Variants in SEMA6D observed in about 807,000 individuals in gnomAD.
SEMA6D encodes the protein semaphorin 6D, also known as semaphorin-6D.
A neutral mutation model predicts 106.6 loss-of-function variants in SEMA6D; 35 were observed. The ratio of observed to expected loss-of-function variants is 0.33; its 90% confidence interval spans 0.25 to 0.44. SEMA6D has a LOEUF of 0.44. SEMA6D is among the 20% of genes least tolerant of loss of function. SEMA6D has a pLI of 1.00. For missense variants in SEMA6D, 1,185 were observed against 1,345.9 expected (o/e 0.88, Z 1.87); for synonymous variants, 499 against 487.7 (o/e 1.02, Z -0.31).
intron 4 of SEMA6D, among the ~76,000 whole-genome samples, chr15:47,634,892 C>T (rs1352416862): frequency 6.6e-6 from 1 of 152,150 alleles, no homozygotes; most frequent in Non-Finnish European, 1.5e-5. Context: ...GCAGGTTTTT[C>T]CTGCATGTCT....
intron 1 of SEMA6D, among the ~76,000 whole-genome samples, chr15:47,198,455 T>TA (rs1894505254): frequency 6.6e-6 from 1 of 152,096 alleles, no homozygotes. Context: ...ATCTGTCAAT[T>TA]AAAAAAATAA....
chr15:47,459,878 TGG>T (rs2141020619), intron 2 of SEMA6D, among the ~76,000 whole-genome samples: 1 of 152,176 alleles, frequency 6.6e-6, no homozygotes, highest in East Asian at 1.9e-4. Flanking sequence ...ATACTGTATT[TGG>T]TTCTTCTACT....
chr15:47,362,816 G>C (rs1215849211), intron 1 of SEMA6D, among the ~76,000 whole-genome samples: 1 of 152,152 alleles, frequency 6.6e-6, no homozygotes, highest in Non-Finnish European at 1.5e-5. Flanking sequence ...TGAAGGACTG[G>C]CAGATTGAGA....
chr15:47,315,057 G>A (rs1420242926), intron 1 of SEMA6D, among the ~76,000 whole-genome samples: 2 of 150,996 alleles, frequency 1.3e-5, no homozygotes, highest in Non-Finnish European at 1.5e-5. Context: ...TAGTAGAGAC[G>A]GGGTTTCACC....
chr15:47,558,896 G>C (rs1400907081), intron 3 of SEMA6D, among the ~76,000 whole-genome samples: 2 of 152,010 alleles, frequency 1.3e-5, no homozygotes, highest in African/African-American at 4.8e-5. Context: ...AGTGGAGTGA[G>C]TTGAAGTAAT....
intron 1 of SEMA6D, among the ~76,000 whole-genome samples, chr15:47,215,586 C>T (rs2030508404): frequency 1.3e-5 from 2 of 152,062 alleles, no homozygotes; most frequent in African/African-American, 4.8e-5. Flanking sequence ...TTCATAGCTA[C>T]ATCTGATATA....
intron 1 of SEMA6D, among the ~76,000 whole-genome samples, chr15:47,332,942 C>T (rs1031902522): frequency 1.3e-5 from 2 of 152,114 alleles, no homozygotes; most frequent in African/African-American, 4.8e-5. Context: ...ACAACTAGTG[C>T]CCATCTATGG....
intron 4 of SEMA6D, among the ~76,000 whole-genome samples, chr15:47,635,790 G>A (rs1302455952): frequency 6.6e-6 from 1 of 151,940 alleles, no homozygotes; most frequent in African/African-American, 2.4e-5. Flanking sequence ...ATCACAGTTG[G>A]GTACCTGAGC....
At chr15:47,494,391 A>C (rs1221867519) in intron 3 of SEMA6D, among the ~76,000 whole-genome samples, 1 of 152,020 alleles carries the variant, frequency 6.6e-6, no homozygotes, top group East Asian at 1.9e-4. Context: ...TGTCTGTAAA[A>C]CAGCTGATGA....
At chr15:47,392,158 C>T (rs1010224548) in intron 1 of SEMA6D, among the ~76,000 whole-genome samples, 1 of 152,182 alleles carries the variant, frequency 6.6e-6, no homozygotes, top group African/African-American at 2.4e-5. Context: ...GCACAGAAAA[C>T]GATCTGAATG....
chr15:47,508,639 A>G (rs1242402078), intron 3 of SEMA6D, among the ~76,000 whole-genome samples: 1 of 152,268 alleles, frequency 6.6e-6, no homozygotes. Context: ...GAAAGGACAG[A>G]TGAGAAGAAG....
intron 4 of SEMA6D, among the ~76,000 whole-genome samples, chr15:47,615,381 T>C (rs1005813689): frequency 8.5e-5 from 13 of 152,180 alleles, no homozygotes; most frequent in Non-Finnish European, 1.8e-4. Context: ...ACAGGGGTCC[T>C]TTAACCAATG....
chr15:47,633,202 T>C (rs562658294), intron 4 of SEMA6D, among the ~76,000 whole-genome samples: 38 of 152,252 alleles, frequency 2.5e-4, no homozygotes, highest in African/African-American at 8.9e-4. Flanking sequence ...TTATGTTATA[T>C]TTACTCCCAT....
chr15:47,499,540 T>C (rs1457109570), intron 3 of SEMA6D, among the ~76,000 whole-genome samples: 1 of 152,212 alleles, frequency 6.6e-6, no homozygotes, highest in African/African-American at 2.4e-5. Context: ...TTTAAATATC[T>C]TGCTTTATAA....
chr15:47,388,617 C>T (rs1472277751), intron 1 of SEMA6D, among the ~76,000 whole-genome samples: 5 of 152,098 alleles, frequency 3.3e-5, no homozygotes, highest in African/African-American at 4.8e-5. Flanking sequence ...TGGTGTCAAG[C>T]GTCCACTGGG....
chr15:47,295,723 A>G (rs1230533570), intron 1 of SEMA6D, among the ~76,000 whole-genome samples: 1 of 152,250 alleles, frequency 6.6e-6, no homozygotes, highest in Non-Finnish European at 1.5e-5. Flanking sequence ...ATGAGATACA[A>G]ACATAATCAG....
intron 3 of SEMA6D, among the ~76,000 whole-genome samples, chr15:47,542,888 C>T (rs1238254864): frequency 2.6e-5 from 4 of 152,114 alleles, no homozygotes; most frequent in Non-Finnish European, 5.9e-5. Flanking sequence ...CTAGCAATGA[C>T]TGTGCATCTG....
intron 3 of SEMA6D, among the ~76,000 whole-genome samples, chr15:47,545,708 G>A (rs556518361): frequency 2.0e-4 from 31 of 152,152 alleles, no homozygotes; most frequent in Non-Finnish European, 3.2e-4. Context: ...CATGTATTTC[G>A]TGAAAGAGCT....
intron 1 of SEMA6D, among the ~76,000 whole-genome samples, chr15:47,254,452 C>T (rs1250088128): frequency 6.6e-6 from 1 of 151,538 alleles, no homozygotes; most frequent in African/African-American, 2.4e-5. Context: ...CCGGCTGGTA[C>T]TTCCAGTACT....
Sources: allele counts gnomAD v4.1 joint callset (sites outside exome capture counted in the v4.1 genomes callset), GRCh38; gene constraint gnomAD v4.1.1; transcripts MANE v1.5; gene names NCBI Gene and HGNC (gene_info 2026-07-23, HGNC 2026-07-21).